The following CDKAL1 variants were observed in gnomAD, a reference collection of about 807,000 sequenced individuals.
CDKAL1 encodes CDKAL1 threonylcarbamoyladenosine tRNA methylthiotransferase.
CDKAL1 carries 32 observed loss-of-function variants against 68.2 expected under a neutral mutation model. The ratio of observed to expected loss-of-function variants is 0.47; its 90% CI spans 0.35 to 0.63. CDKAL1 has a LOEUF of 0.63. CDKAL1 is among the 30% of genes least tolerant of loss of function. CDKAL1 has a pLI of 0.00. For synonymous variants in CDKAL1, 234 were observed against 244.3 expected (o/e 0.96, Z 0.39); for missense variants, 606 against 696.7 (o/e 0.87, Z 1.47).
At chr6:20,595,216 A>G (rs904614281) in intron 4 of CDKAL1, among the ~76,000 whole-genome samples, 2 of 151,992 alleles carry the variant, frequency 1.3e-5, no homozygotes, top group African/African-American at 4.8e-5. Flanking sequence ...GAATGTTGGC[A>G]TGTCTTCTAG....
At chr6:20,785,309 T>C (rs1057236876) in intron 8 of CDKAL1, among the ~76,000 whole-genome samples, 4 of 123,606 alleles carry the variant, frequency 3.2e-5, no homozygotes, top group African/African-American at 1.2e-4. Flanking sequence ...CTTGGATTTC[T>C]TTTTCTTTTT....
chr6:21,007,911 T>G (rs1767817753), intron 11 of CDKAL1, among the ~76,000 whole-genome samples: 2 of 152,224 alleles, frequency 1.3e-5, no homozygotes, highest in South Asian at 4.1e-4. Context: ...CTAAGGCATT[T>G]TCCTCTAGCA....
At chr6:20,844,073 G>A (rs1350247238) in intron 8 of CDKAL1, among the ~76,000 whole-genome samples, 2 of 152,154 alleles carry the variant, frequency 1.3e-5, no homozygotes, top group Non-Finnish European at 1.5e-5. Flanking sequence ...TGTCAAGTCC[G>A]ATGAAGTGAC....
At chr6:20,943,328 C>CA (rs34759060) in intron 9 of CDKAL1, among the ~76,000 whole-genome samples, 2,429 of 50,770 alleles carry the variant, frequency 0.048, 78 homozygotes, top group African/African-American at 0.09. Context: ...CTTGTTTTTT[C>CA]AAAAAAAAAA....
chr6:20,807,543 A>T (rs1776626501), intron 8 of CDKAL1, among the ~76,000 whole-genome samples: 1 of 152,192 alleles, frequency 6.6e-6, no homozygotes, highest in Non-Finnish European at 1.5e-5. Context: ...GAATGAAAAG[A>T]ACTGCCCTTC....
chr6:20,904,233 G>A lies in CDKAL1; in HGVS notation c.743-51186G>A, dbSNP rs976710704. On this transcript the variant is annotated intron_variant, in intron 9 of 15. Coordinates refer to ENST00000274695, the MANE Select transcript of CDKAL1 (RefSeq NM_017774.3). ...TCCTTTAACTGATGTGAGTTTCAGG[G>A]AATTTAAAGGTCTAGTCCAGGGCTG... 4.6e-5 allele frequency among the ~76,000 whole-genome samples: 7 copies of A among 152,212 alleles called. 1 individual carries two copies. The highest frequency in any genetic ancestry group is 1.4e-4 in the African/African-American group (6 of 41,516).
chr6:20,722,012 T>C (rs757619669), intron 5 of CDKAL1, among the ~76,000 whole-genome samples: 4 of 152,138 alleles, frequency 2.6e-5, no homozygotes, highest in Non-Finnish European at 5.9e-5. Context: ...ATTACAGGCG[T>C]GAGCCACCGT....
chr6:20,847,501 A>G (rs1778419347), intron 9 of CDKAL1, among the ~76,000 whole-genome samples: 1 of 152,248 alleles, frequency 6.6e-6, no homozygotes, highest in Non-Finnish European at 1.5e-5. Flanking sequence ...AAGGCATGAA[A>G]TTAGTACTTT....
chr6:20,620,383 T>G (rs1767126003), intron 4 of CDKAL1, among the ~76,000 whole-genome samples: 1 of 152,230 alleles, frequency 6.6e-6, no homozygotes, highest in South Asian at 2.1e-4. Context: ...GTGCCATTTG[T>G]TAAGCTTCTA....
chr6:21,084,130 G>GT (rs1160571720), intron 12 of CDKAL1, among the ~76,000 whole-genome samples: 2 of 152,092 alleles, frequency 1.3e-5, no homozygotes, highest in African/African-American at 2.4e-5. Context: ...ACTCTCAGTG[G>GT]TTTAGTTCAC....
chr6:20,902,295 A>T (rs1762027467), intron 9 of CDKAL1, among the ~76,000 whole-genome samples: 1 of 149,888 alleles, frequency 6.7e-6, no homozygotes. Flanking sequence ...CTACTTAAAG[A>T]AATCACGTGG....
chr6:20,540,392 A>C (rs952047922), intron 2 of CDKAL1, among the ~76,000 whole-genome samples: 2 of 151,428 alleles, frequency 1.3e-5, no homozygotes, highest in African/African-American at 4.9e-5. Flanking sequence ...ATTAAATGAA[A>C]TGGGAGAAGT....
intron 6 of CDKAL1, among the ~76,000 whole-genome samples, chr6:20,740,651 T>C (rs188931239): frequency 6.6e-6 from 1 of 152,314 alleles, no homozygotes; most frequent in East Asian, 1.9e-4. Context: ...TTTTCCTTAT[T>C]TGATATACTA....
At chr6:20,889,009 T>G (rs1351215772) in intron 9 of CDKAL1, among the ~76,000 whole-genome samples, 1 of 152,198 alleles carries the variant, frequency 6.6e-6, no homozygotes, top group Admixed American at 6.5e-5. Context: ...TGTTCCTATT[T>G]CTCCACATCC....
At chr6:20,894,134 T>C (rs1761551586) in intron 9 of CDKAL1, among the ~76,000 whole-genome samples, 1 of 152,222 alleles carries the variant, frequency 6.6e-6, no homozygotes, top group Non-Finnish European at 1.5e-5. Context: ...GCACACTAAG[T>C]ATCTAAAGTG....
intron 8 of CDKAL1, among the ~76,000 whole-genome samples, chr6:20,791,714 A>G (rs1178948007): frequency 6.6e-6 from 1 of 152,182 alleles, no homozygotes; most frequent in East Asian, 1.9e-4. Flanking sequence ...CCTAAGATGC[A>G]TCCATTTTGT....
intron 4 of CDKAL1, among the ~76,000 whole-genome samples, chr6:20,550,712 A>G (rs932470168): frequency 2.6e-5 from 4 of 152,046 alleles, no homozygotes; most frequent in Admixed American, 2.0e-4. Context: ...CTATTTCTGT[A>G]TCTATTATGT....
chr6:20,695,176 G>C (rs1399432505), intron 5 of CDKAL1, among the ~76,000 whole-genome samples: 1 of 151,986 alleles, frequency 6.6e-6, no homozygotes, highest in Non-Finnish European at 1.5e-5. Flanking sequence ...TTTTAAGACT[G>C]TGTTTTTCTG....
chr6:20,540,091 T>TTTTTTTTTTTTTTA (rs1561909967), intron 2 of CDKAL1, among the ~76,000 whole-genome samples: 1 of 150,494 alleles, frequency 6.6e-6, no homozygotes, highest in African/African-American at 2.5e-5. Context: ...TTTTTTTTTT[T>TTTTTTTTTTTTTTA]GAGACAGAGT....
Sources: gnomAD v4.1 joint callset for allele counts (sites outside exome capture counted in the v4.1 genomes callset) on GRCh38, gnomAD v4.1.1 for gene constraint, MANE v1.5 for transcripts, NCBI Gene and HGNC (gene_info 2026-07-23, HGNC 2026-07-21) for gene names.